FAHD2A: variants seen among roughly 807,000 people sequenced by gnomAD.
FAHD2A encodes the protein fumarylacetoacetate hydrolase domain containing 2A, also known as oxaloacetate tautomerase FAHD2A, mitochondrial.
In FAHD2A, 27 loss-of-function variants were observed where a neutral mutation model predicts 33.4. That is an observed-to-expected ratio of 0.81 (90% CI 0.60 to 1.11). FAHD2A has a LOEUF of 1.11. FAHD2A is among the 50% of genes most tolerant of loss of function. FAHD2A has a pLI of 0.00. For missense variants in FAHD2A, 296 were observed against 395.0 expected (o/e 0.75, Z 2.12); for synonymous variants, 130 against 153.3 (o/e 0.85, Z 1.12).
downstream of FAHD2A, among the ~76,000 whole-genome samples, chr2:95,418,718 T>C (rs1372464039): frequency 6.6e-6 from 1 of 151,982 alleles, no homozygotes; most frequent in Non-Finnish European, 1.5e-5. Context: ...ATGGGAACCA[T>C]ACAAGGAGAA....
At chr2:95,416,969 G>A (rs1466029507), downstream of FAHD2A, among the ~76,000 whole-genome samples, 2 of 152,310 alleles carry the variant, frequency 1.3e-5, no homozygotes, top group Non-Finnish European at 2.9e-5. Context: ...TTTCCACAGA[G>A]CTGTGGGTGA....
Position 95,414,178 on chromosome 2 carries a change from C to CGGCAGG in FAHD2A, c.*1224_*1229dup. ...TTCCTAGAGTTGGGTTGTCACTGTC[C>CGGCAGG]GGCAGGGGGCAGCAGCCACCAGCAA... is the stretch of plus-strand genomic sequence containing the variant. On this transcript the variant is annotated 3_prime_UTR_variant, in exon 8 of 8. Transcript: ENST00000233379. 1 of 1,575,950 alleles carries CGGCAGG rather than the reference C, an allele frequency of 6.3e-7. No homozygotes were observed.
chr2:95,420,595 G>A (rs564390601), downstream of FAHD2A, among the ~76,000 whole-genome samples: 6 of 151,750 alleles, frequency 4.0e-5, no homozygotes, highest in Non-Finnish European at 7.4e-5. Context: ...AATAGAGGCA[G>A]TTGAGGAAAT....
downstream of FAHD2A, among the ~76,000 whole-genome samples, chr2:95,420,173 T>G (rs1055298052): frequency 6.6e-6 from 1 of 152,068 alleles, no homozygotes; most frequent in Non-Finnish European, 1.5e-5. Context: ...CTGATTCAAA[T>G]GCATATCTCA....
At chr2:95,419,676 C>G (rs111593966), downstream of FAHD2A, among the ~76,000 whole-genome samples, 1,002 of 152,022 alleles carry the variant, frequency 6.6e-3, 24 homozygotes, top group African/African-American at 0.022. Context: ...CAACTTCACA[C>G]CAAGCTGCAA....
downstream of FAHD2A, among the ~76,000 whole-genome samples, chr2:95,419,120 C>T (rs945190379): frequency 6.6e-6 from 1 of 152,030 alleles, no homozygotes; most frequent in African/African-American, 2.4e-5. Context: ...CAAGGCCCTG[C>T]TACATCTTGA....
chr2:95,420,160 C>T (rs1337738880), downstream of FAHD2A, among the ~76,000 whole-genome samples: 2 of 152,068 alleles, frequency 1.3e-5, no homozygotes, highest in Non-Finnish European at 2.9e-5. Flanking sequence ...TTTATTCAGT[C>T]AGCTGATTCA....
Position 95,407,900 on chromosome 2 carries a change from G to C in FAHD2A, c.462+743G>C, listed in dbSNP as rs1477901900. Among the ~76,000 whole-genome samples the C allele has an allele frequency of 2.0e-5, 3 of 152,160 alleles. No homozygotes were observed. The East Asian group carries it at 5.8e-4, about 29-fold the overall frequency. On this transcript the variant is annotated intron_variant, in intron 3 of 7. Transcript: ENST00000233379. ...CAGATTTTTATTTTAGAAATGTCTT[G>C]AAAATTATAGAAAAGCTGGGAAAAT...
At position 95,414,305 on chromosome 2, in the gene FAHD2A, GAGA is replaced by G. The variant is rs1374532425; in HGVS notation, c.*1353_*1355del. 19 of 1,164,482 alleles carry G rather than the reference GAGA, an allele frequency of 1.6e-5. No homozygotes were observed. The Admixed American group carries it at 3.3e-4, about 20-fold the overall frequency. The allele number at this position is 1,164,482 out of a possible 1,614,324, so 72.1% of individuals were successfully genotyped here. A position where few individuals can be genotyped will look rare whatever the true frequency, so the allele number is the denominator to read the frequency against. On this transcript the variant is annotated 3_prime_UTR_variant, in exon 8 of 8. Coordinates refer to ENST00000233379, the MANE Select transcript of FAHD2A (RefSeq NM_016044.3). ...AGGAACTGGAACAGCTGTTGGAGAG[GAGA>G]AGAAAAAGAAGACATCAAAAAGAAA...
At chr2:95,408,155 G>A (rs1263528038) in intron 3 of FAHD2A, among the ~76,000 whole-genome samples, 1 of 150,060 alleles carries the variant, frequency 6.7e-6, no homozygotes, top group Non-Finnish European at 1.5e-5. Flanking sequence ...TAAGAATAAG[G>A]ACAATGGCTT....
In FAHD2A at chr2:95,414,150, G is replaced by A. The variant is rs945362681; in HGVS notation, c.*1193G>A. On this transcript the variant is annotated 3_prime_UTR_variant, in exon 8 of 8. Coordinates refer to ENST00000233379, the MANE Select transcript of FAHD2A (RefSeq NM_016044.3). ...TGGACAGAAGACTACTCTGCAGCCC[G>A]CCTTCCTAGAGTTGGGTTGTCACTG... The A allele has an allele frequency of 5.1e-5, 78 of 1,543,286 alleles. No individual in the cohort carries two copies. Among genetic ancestry groups the A allele is most frequent in the African/African-American group, 2.1e-4 (15 of 72,826 alleles).
downstream of FAHD2A, among the ~76,000 whole-genome samples, chr2:95,419,731 C>T (rs1173088971): frequency 6.6e-6 from 1 of 151,820 alleles, no homozygotes; most frequent in Non-Finnish European, 1.5e-5. Context: ...AGAATTAATA[C>T]AACGTAGAGA....
At chr2:95,409,917 C>G (rs573838950) in intron 3 of FAHD2A, among the ~76,000 whole-genome samples, 1 of 152,270 alleles carries the variant, frequency 6.6e-6, no homozygotes, top group East Asian at 1.9e-4. Flanking sequence ...ACCCAGTGCT[C>G]CTTAGTGGGG....
intron 1 of FAHD2A, among the ~76,000 whole-genome samples, chr2:95,403,400 T>C (rs1362431937): frequency 2.0e-5 from 3 of 152,192 alleles, no homozygotes; most frequent in Non-Finnish European, 4.4e-5. Flanking sequence ...GGGGTTCTCT[T>C]GGAGAGCTGG....
chr2:95,403,588 T>C (rs545235036), intron 1 of FAHD2A, among the ~76,000 whole-genome samples: 1 of 152,310 alleles, frequency 6.6e-6, no homozygotes, highest in East Asian at 1.9e-4. Flanking sequence ...CACAACATTC[T>C]GGGTTAAAAT....
At chr2:95,417,344 C>T (rs1683239480), downstream of FAHD2A, among the ~76,000 whole-genome samples, 1 of 152,154 alleles carries the variant, frequency 6.6e-6, no homozygotes, top group Non-Finnish European at 1.5e-5. Flanking sequence ...TTCCCATTTA[C>T]AGATCCTCTA....
At chr2:95,405,438 T>G in intron 1 of FAHD2A, 115 bp from the exon 2 acceptor site, 1 of 1,461,430 alleles carries the variant, frequency 6.8e-7, no homozygotes, top group Non-Finnish European at 9.2e-7. Flanking sequence ...CCGTGTGGTA[T>G]GCAGGGAACG....
chr2:95,412,897 G>T lies in FAHD2A; in HGVS notation c.885G>T (p.Lys295Asn), dbSNP rs374795485. 6.2e-7 allele frequency: 1 copy of T among 1,614,124 alleles called. No homozygotes were observed. The highest frequency in any genetic ancestry group is 1.1e-5 in the South Asian group (1 of 91,094). The change falls in exon 8 of 8, where the codon AAG (lysine) becomes AAT (asparagine). Residue 295 changes from lysine to asparagine, a missense_variant and splice_region_variant. Coordinates refer to ENST00000233379, the MANE Select transcript of FAHD2A (RefSeq NM_016044.3). ...VFRKPPVFLK[K>N]GDEVQCEIEE... ...TGTCATGGCCTGCTCTGTTGCAGAA[G>T]GGGGATGAAGTCCAGTGTGAGATTG... is the stretch of plus-strand genomic sequence containing the variant.
downstream of FAHD2A, among the ~76,000 whole-genome samples, chr2:95,417,111 GAA>G (rs1369453799): frequency 6.6e-6 from 1 of 152,238 alleles, no homozygotes; most frequent in Non-Finnish European, 1.5e-5. Context: ...TTTCTAAAAA[GAA>G]AGTAAATAAA....
Sources: allele counts gnomAD v4.1 joint callset (sites outside exome capture counted in the v4.1 genomes callset), GRCh38; gene constraint gnomAD v4.1.1; transcripts MANE v1.5; gene names NCBI Gene and HGNC (gene_info 2026-07-23, HGNC 2026-07-21).